ASRGL1: variants seen among roughly 807,000 people sequenced by gnomAD.
The protein encoded by ASRGL1 is asparaginase and isoaspartyl peptidase 1.
In ASRGL1, 16 loss-of-function variants were observed where a neutral mutation model predicts 22.4. That is an observed-to-expected ratio of 0.71 (90% CI 0.48 to 1.08). ASRGL1 has a LOEUF of 1.08. ASRGL1 is among the 50% of genes least tolerant of loss of function. The pLI, the probability that ASRGL1 is intolerant of heterozygous loss-of-function variation, is 0.00. For synonymous variants in ASRGL1, 165 were observed against 159.3 expected (o/e 1.04, Z -0.27); for missense variants, 412 against 410.1 (o/e 1.00, Z -0.04).
At chr11:62,362,714 TTA>T (rs1336218972) in intron 4 of ASRGL1, among the ~76,000 whole-genome samples, 2 of 51,866 alleles carry the variant, frequency 3.9e-5, no homozygotes, top group South Asian at 4.8e-4. Flanking sequence ...ATAAAATATA[TTA>T]TATGTTATAT....
intron 2 of ASRGL1, among the ~76,000 whole-genome samples, chr11:62,346,056 C>T (rs1004600490): frequency 2.8e-4 from 43 of 152,276 alleles, no homozygotes; most frequent in Admixed American, 1.8e-3. Context: ...CTGACGCTGC[C>T]TCTCTGGGGT....
At chr11:62,395,182 A>G (rs1301394036), downstream of ASRGL1, among the ~76,000 whole-genome samples, 1 of 152,156 alleles carries the variant, frequency 6.6e-6, no homozygotes, top group Non-Finnish European at 1.5e-5. Flanking sequence ...ACGCTAGCAA[A>G]TGGCCCGAAG....
At chr11:62,356,949 C>T (rs1461096902) in intron 3 of ASRGL1, 38 bp from the exon 4 acceptor site, 2 of 1,560,224 alleles carry the variant, frequency 1.3e-6, no homozygotes, top group Non-Finnish European at 1.7e-6. Context: ...TTAAAATTTT[C>T]AAAAAAACAA....
intron 2 of ASRGL1, among the ~76,000 whole-genome samples, chr11:62,351,390 A>G (rs1946162427): frequency 6.6e-6 from 1 of 152,152 alleles, no homozygotes; most frequent in Non-Finnish European, 1.5e-5. Context: ...TGGCTCAAGC[A>G]TGTAATCCCA....
rs569693377 is a variant in ASRGL1, at chr11:62,368,912, A to G, written c.491+11768A>G. ...TCCTATCTCAGTAAATAGAACATAC[A>G]ATCGGGTTTTACACCCGAGACATTC... is the stretch of plus-strand genomic sequence containing the variant. On this transcript the variant is annotated intron_variant, in intron 4 of 6. Transcript: ENST00000415229. Among the ~76,000 whole-genome samples, 442 of 152,314 alleles carry G rather than the reference A, an allele frequency of 2.9e-3. 4 individuals are homozygous for G. The highest frequency in any genetic ancestry group is 0.01 in the African/African-American group (418 of 41,556).
chr11:62,356,381 GAT>G lies in ASRGL1; in HGVS notation c.248_249del (p.Asp83GlyfsTer20). ...GGTTGAAATGGATGCTAGTATCATG[GAT>G]GGAAAAGACCTGTCTGCAGGAGCAG... ...GEVEMDASIMDGKDLSAGAVS... is the reference protein window; with the variant it reads ...GEVEMDASIMXGKDLSAGAVS... On this transcript the variant is annotated frameshift_variant, in exon 3 of 7. Coordinates refer to ENST00000415229, the MANE Select transcript of ASRGL1 (RefSeq NM_001083926.2). LOFTEE classifies it high-confidence loss of function. 6.2e-7 allele frequency: 1 copy of G among 1,614,186 alleles called. No homozygotes were observed. Among genetic ancestry groups the G allele is most frequent in the Non-Finnish European group, 8.5e-7 (1 of 1,179,976 alleles).
chr11:62,351,448 G>A (rs74451337), intron 2 of ASRGL1, among the ~76,000 whole-genome samples: 1 of 152,012 alleles, frequency 6.6e-6, no homozygotes, highest in Non-Finnish European at 1.5e-5. Flanking sequence ...TCAGGAGTTC[G>A]AGACCAGCCT....
Position 62,366,118 on chromosome 11 carries a change from C to T in ASRGL1, c.491+8974C>T, listed in dbSNP as rs569534823. 6.5e-5 allele frequency among the ~76,000 whole-genome samples: 9 copies of T among 138,450 alleles called. No individual in the cohort carries two copies. The South Asian group carries it at 2.0e-3, about 30-fold the overall frequency. 90.8% of individuals were successfully genotyped at this position (138,450 alleles called of 152,430 possible). The stretch of plus-strand genomic sequence containing the variant: ...CTCTACTGAAAGACAAAAAATTAGC[C>T]GGGAGTGGTGGTGCATGCCCATAAT... On this transcript the variant is annotated intron_variant, in intron 4 of 6. Coordinates refer to ENST00000415229, the MANE Select transcript of ASRGL1 (RefSeq NM_001083926.2).
chr11:62,356,286 A>G (rs1230892658), intron 2 of ASRGL1, 39 bp from the exon 3 acceptor site: 4 of 1,608,286 alleles, frequency 2.5e-6, no homozygotes, highest in African/African-American at 2.7e-5. Context: ...CGGGGCGTAA[A>G]TTCTTAATTC....
At chr11:62,352,569 G>C (rs574336647) in intron 2 of ASRGL1, among the ~76,000 whole-genome samples, 28 of 152,260 alleles carry the variant, frequency 1.8e-4, no homozygotes, top group African/African-American at 6.7e-4. Context: ...GGGCGACGGA[G>C]TGAAACTGTG....
intron 4 of ASRGL1, among the ~76,000 whole-genome samples, chr11:62,380,460 AATGGCCTC>A (rs935557651): frequency 1.9e-4 from 29 of 152,140 alleles, no homozygotes; most frequent in African/African-American, 5.8e-4. Context: ...TAACTTGCTC[AATGGCCTC>A]ATTTTGCATT....
At chr11:62,339,782 A>T (rs1282135699) in intron 2 of ASRGL1, among the ~76,000 whole-genome samples, 7 of 152,226 alleles carry the variant, frequency 4.6e-5, no homozygotes, top group Non-Finnish European at 1.0e-4. Context: ...ACTTGGTGGA[A>T]GACATTCATC....
intron 4 of ASRGL1, chr11:62,372,916 G>C: frequency 6.4e-7 from 1 of 1,574,256 alleles, no homozygotes; most frequent in Non-Finnish European, 8.7e-7. Context: ...AGCCTGGCTT[G>C]TGGGAAGAGC....
chr11:62,354,947 TA>T (rs1206768595), intron 2 of ASRGL1, among the ~76,000 whole-genome samples: 3 of 152,024 alleles, frequency 2.0e-5, no homozygotes, highest in Non-Finnish European at 2.9e-5. Context: ...AGATTTCTTT[TA>T]TTTTTTTTTT....
chr11:62,394,462 G>A (rs950804069), downstream of ASRGL1, among the ~76,000 whole-genome samples: 6 of 150,540 alleles, frequency 4.0e-5, no homozygotes, highest in Non-Finnish European at 7.4e-5. Context: ...CTGAGGTACT[G>A]GGGGTTAGGG....
At chr11:62,370,896 G>A (rs1018500140) in intron 4 of ASRGL1, among the ~76,000 whole-genome samples, 1 of 152,146 alleles carries the variant, frequency 6.6e-6, no homozygotes, top group African/African-American at 2.4e-5. Flanking sequence ...CCTGTGGCCT[G>A]TGTGACATTC....
At position 62,357,160 on chromosome 11, in the gene ASRGL1, G is replaced by A. The variant is rs1946321071; in HGVS notation, c.491+16G>A. On this transcript the variant is annotated intron_variant, in intron 4 of 6. Coordinates refer to ENST00000415229, the MANE Select transcript of ASRGL1 (RefSeq NM_001083926.2). ...ATTGTCAAAAGTAAGTCTTACCTGT[G>A]GCTCGCATTATTTGGGAGTTATTAA... is the stretch of plus-strand genomic sequence containing the variant. The A allele has an allele frequency of 6.2e-7, 1 of 1,607,768 alleles. No homozygotes were observed. The highest frequency in any genetic ancestry group is 8.5e-7 in the Non-Finnish European group (1 of 1,178,438).
At chr11:62,356,097 C>T (rs1268114600) in intron 2 of ASRGL1, among the ~76,000 whole-genome samples, 1 of 152,192 alleles carries the variant, frequency 6.6e-6, no homozygotes, top group East Asian at 1.9e-4. Context: ...TCCACAAAAC[C>T]GCCATTGTCA....
chr11:62,371,292 CG>C lies in ASRGL1; in HGVS notation c.491+14149del, dbSNP rs1461485389. On this transcript the variant is annotated intron_variant, in intron 4 of 6. Transcript: ENST00000415229. ...GCAGTGGTGGCAGCAGCAGCAGCGG[CG>C]ACGAGGACGGCCTGGAGCTCGACGG... 4.3e-5 allele frequency: 59 copies of C among 1,376,952 alleles called. No homozygotes were observed. In the East Asian group the frequency reaches 1.7e-3, roughly 40 times the overall value. The allele number at this position is 1,376,952 out of a possible 1,614,324, so 85.3% of individuals were successfully genotyped here. A position where few individuals can be genotyped will look rare whatever the true frequency, so the allele number is the denominator to read the frequency against.
Sources: allele counts gnomAD v4.1 joint callset (sites outside exome capture counted in the v4.1 genomes callset), GRCh38; gene constraint gnomAD v4.1.1; transcripts MANE v1.5; gene names NCBI Gene and HGNC (gene_info 2026-07-23, HGNC 2026-07-21).